Variants in SNRNP40 observed in about 807,000 individuals in gnomAD.
SNRNP40 encodes the protein U5 small nuclear ribonucleoprotein 40 kDa protein.
A neutral mutation model predicts 45.8 loss-of-function variants in SNRNP40; 21 were observed. The ratio of observed to expected loss-of-function variants is 0.46; its 90% CI spans 0.32 to 0.66. The LOEUF (loss-of-function observed/expected upper bound fraction) is 0.66, where lower values mean the gene tolerates loss of function less well. Among genes scored for constraint, SNRNP40 ranks in the 30% least tolerant of loss-of-function variants. SNRNP40 has a pLI of 0.03. For synonymous variants in SNRNP40, 142 were observed against 163.8 expected (o/e 0.87, Z 1.01); for missense variants, 344 against 439.1 (o/e 0.78, Z 1.94).
At chr1:31,277,789 G>A (rs1212048141) in intron 5 of SNRNP40, among the ~76,000 whole-genome samples, 1 of 152,158 alleles carries the variant, frequency 6.6e-6, no homozygotes, top group Non-Finnish European at 1.5e-5. Context: ...CCACCACCCT[G>A]GTTCAAGCCA....
At chr1:31,267,037 A>G (rs1205238522) in intron 8 of SNRNP40, among the ~76,000 whole-genome samples, 1 of 152,238 alleles carries the variant, frequency 6.6e-6, no homozygotes, top group Admixed American at 6.5e-5. Flanking sequence ...TATCTCCAAG[A>G]GGTAATAGAG....
At chr1:31,272,208 A>G (rs1032700685) in intron 5 of SNRNP40, among the ~76,000 whole-genome samples, 1 of 152,226 alleles carries the variant, frequency 6.6e-6, no homozygotes, top group African/African-American at 2.4e-5. Flanking sequence ...TATGAAAAAT[A>G]CAGATGCTTA....
intron 5 of SNRNP40, among the ~76,000 whole-genome samples, chr1:31,274,884 G>T (rs1435672939): frequency 2.0e-5 from 3 of 152,050 alleles, no homozygotes; most frequent in Non-Finnish European, 4.4e-5. Flanking sequence ...TTTTAAAAAG[G>T]GTTCCCACTC....
chr1:31,289,909 G>T (rs559612417), intron 3 of SNRNP40, among the ~76,000 whole-genome samples: 23 of 151,866 alleles, frequency 1.5e-4, no homozygotes, highest in African/African-American at 5.3e-4. Flanking sequence ...ATCTTGCTCT[G>T]TCACCCGGGT....
At chr1:31,279,752 AAAG>A in intron 5 of SNRNP40, among the ~76,000 whole-genome samples, 1 of 151,850 alleles carries the variant, frequency 6.6e-6, no homozygotes, top group African/African-American at 2.4e-5. Context: ...GTCTCAAAAA[AAAG>A]AAAAGTAGAA....
At chr1:31,293,658 T>C (rs551513286) in intron 1 of SNRNP40, among the ~76,000 whole-genome samples, 1 of 152,234 alleles carries the variant, frequency 6.6e-6, no homozygotes, top group Non-Finnish European at 1.5e-5. Context: ...CATGGTTCAC[T>C]GCAGCTTCAA....
At chr1:31,274,504 G>T (rs946899882) in intron 5 of SNRNP40, among the ~76,000 whole-genome samples, 17 of 152,000 alleles carry the variant, frequency 1.1e-4, no homozygotes, top group African/African-American at 4.1e-4. Flanking sequence ...GCCTCCCGAA[G>T]TGCTGGGATT....
At chr1:31,260,554 T>G (rs961578649) in intron 9 of SNRNP40, among the ~76,000 whole-genome samples, 4 of 152,010 alleles carry the variant, frequency 2.6e-5, no homozygotes, top group African/African-American at 9.7e-5. Context: ...GAAATTTATA[T>G]CTAAATATTA....
intron 2 of SNRNP40, 107 bp downstream of exon 2, chr1:31,293,112 G>A: frequency 1.6e-6 from 2 of 1,223,766 alleles, no homozygotes; most frequent in Middle Eastern, 2.8e-4. Flanking sequence ...CATGCAGCCT[G>A]TTATGTTGCC....
intron 1 of SNRNP40, among the ~76,000 whole-genome samples, chr1:31,294,051 T>C (rs1377531358): frequency 8.6e-5 from 13 of 151,260 alleles, no homozygotes; most frequent in Admixed American, 8.6e-4. Context: ...CTATGCTTTC[T>C]GGGTTCAAGG....
At chr1:31,286,601 G>A (rs986603842) in intron 4 of SNRNP40, among the ~76,000 whole-genome samples, 3 of 152,122 alleles carry the variant, frequency 2.0e-5, no homozygotes, top group African/African-American at 7.2e-5. Flanking sequence ...GATGCCCTCA[G>A]TTCAGGCTTT....
chr1:31,275,299 G>C (rs763215465), intron 5 of SNRNP40, among the ~76,000 whole-genome samples: 14 of 152,156 alleles, frequency 9.2e-5, no homozygotes, highest in Non-Finnish European at 1.8e-4. Context: ...CCTCTCCTTT[G>C]CATGTTTAAA....
Position 31,265,310 on chromosome 1 carries a change from TA to T in SNRNP40, c.920+2560del, listed in dbSNP as rs201124674. 5.8e-3 allele frequency among the ~76,000 whole-genome samples: 888 copies of T among 152,124 alleles called. 70 individuals are homozygous for T. In the East Asian group the frequency reaches 0.14, roughly 25 times the overall value. ...TGGCTAATTTTTTAAATATTTTTTT[TA>T]TAGAGACAGGGTCCTGCCATCTTGC... On this transcript the variant is annotated intron_variant, in intron 8 of 9. Transcript: ENST00000263694.
rs6685250 is a variant in SNRNP40, at chr1:31,261,901, G to T, written c.921-269C>A. The T allele has an allele frequency of 0.14, 36,886 of 267,476 alleles. 2,798 individuals are homozygous for T. The highest frequency in any genetic ancestry group is 0.17 in the African/African-American group (7,832 of 45,034). The allele number at this position is 267,476 out of a possible 1,614,324, so 16.6% of individuals were successfully genotyped here. ...AGCTTCTGAAATGGGAAACACCACAGGGAAGAAAAGAAAGTTTTTCCTGCA... is the reference window on the plus strand; with the variant it reads ...AGCTTCTGAAATGGGAAACACCACATGGAAGAAAAGAAAGTTTTTCCTGCA... On this transcript the variant is annotated intron_variant, in intron 8 of 9. Coordinates refer to ENST00000263694, the MANE Select transcript of SNRNP40 (RefSeq NM_004814.3).
intron 4 of SNRNP40, among the ~76,000 whole-genome samples, chr1:31,288,555 T>C (rs1024054697): frequency 6.6e-6 from 1 of 152,200 alleles, no homozygotes; most frequent in African/African-American, 2.4e-5. Context: ...GTGATGATGA[T>C]ATAAAGATAG....
At chr1:31,286,873 C>A (rs1329624194) in intron 4 of SNRNP40, among the ~76,000 whole-genome samples, 1 of 152,198 alleles carries the variant, frequency 6.6e-6, no homozygotes, top group Non-Finnish European at 1.5e-5. Flanking sequence ...AGCACCTTCC[C>A]TGCTTTGGCC....
intron 4 of SNRNP40, 95 bp from the exon 5 acceptor site, chr1:31,281,591 T>C (rs1000186113): frequency 2.8e-6 from 3 of 1,079,212 alleles, no homozygotes; most frequent in Non-Finnish European, 1.3e-6. Context: ...TTTGTGGACA[T>C]GAACACATCT....
In SNRNP40 at chr1:31,260,077, G is replaced by A. The variant is rs1310406154; in HGVS notation, c.1069C>T (p.Gln357Ter). Residue 357 changes from glutamine to a stop codon, truncating the protein, a stop_gained, in exon 10 of 10, where the codon CAG (glutamine) becomes TAG (stop). Transcript: ENST00000263694. LOFTEE classifies it high-confidence loss of function. ...GAGTCTTCCAGTCCATATCTTCACTGAATCTCTCCCATATACAGTCTCTTG... is the reference window on the plus strand; with the variant it reads ...GAGTCTTCCAGTCCATATCTTCACTAAATCTCTCCCATATACAGTCTCTTG... ...SDKRLYMGEI[Q>*] 1 of 1,609,992 alleles carries A rather than the reference G, an allele frequency of 6.2e-7. No homozygotes were observed. Among genetic ancestry groups the A allele is most frequent in the Non-Finnish European group, 8.5e-7 (1 of 1,176,424 alleles).
chr1:31,264,960 C>G (rs566621691), intron 8 of SNRNP40, among the ~76,000 whole-genome samples: 1 of 152,246 alleles, frequency 6.6e-6, no homozygotes, highest in South Asian at 2.1e-4. Context: ...GGGTTCCTTG[C>G]CCTCTCCTTA....
Sources: allele counts gnomAD v4.1 joint callset (sites outside exome capture counted in the v4.1 genomes callset), GRCh38; gene constraint gnomAD v4.1.1; transcripts MANE v1.5; gene names NCBI Gene and HGNC (gene_info 2026-07-23, HGNC 2026-07-21).